Variants in PPP4R3A observed in about 807,000 individuals in gnomAD.
The protein encoded by PPP4R3A is protein phosphatase 4 regulatory subunit 3A, also known as serine/threonine-protein phosphatase 4 regulatory subunit 3A.
In PPP4R3A, 15 loss-of-function variants were observed where a neutral mutation model predicts 91.7. The observed-to-expected ratio is 0.16, with a 90% CI of 0.11 to 0.25. The LOEUF is 0.25. Ranked by LOEUF, PPP4R3A falls within the 10% of genes least tolerant of loss-of-function variation. The pLI is 1.00. For missense variants in PPP4R3A, 623 were observed against 998.4 expected (o/e 0.62, Z 5.07); for synonymous variants, 377 against 348.7 (o/e 1.08, Z -0.91).
chr14:91,458,796 G>A lies in PPP4R3A; in HGVS notation c.2465C>T (p.Thr822Met), dbSNP rs764452668. The change falls in exon 15 of 15, where the codon ACG becomes ATG. Residue 822 changes from threonine (T) to methionine (M), a missense_variant. Thr to Met is a moderately conservative substitution (Grantham distance 81, BLOSUM62 -1). Transcript: ENST00000554943. ...DDDEDEDKED[T>M]LPLSKKAKFD... ...TTTTGCTTTCTTTGACAATGGTAAC[G>A]TATCTTCCTTATCTTCATCCTCATC... 1.5e-5 allele frequency: 25 copies of A among 1,613,928 alleles called. No homozygotes were observed. Among genetic ancestry groups the A allele is most frequent in the East Asian group, 1.1e-4 (5 of 44,890 alleles).
intron 1 of PPP4R3A, 108 bp downstream of exon 1, chr14:91,509,398 A>G (rs1048991110): frequency 8.3e-5 from 122 of 1,473,732 alleles, no homozygotes; most frequent in Non-Finnish European, 1.0e-4. Context: ...CGCCCTCCCC[A>G]GCCGTCCCTC....
chr14:91,471,173 CT>C lies in PPP4R3A; in HGVS notation c.1502-179del, dbSNP rs772523489. On this transcript the variant is annotated intron_variant, in intron 9 of 14. Transcript: ENST00000554943. ...AACATGTGCCAGGAATGGTGCTTTA[CT>C]TTTTTTTATTTAATTTTAACAACCC... 2.0e-5 allele frequency among the ~76,000 whole-genome samples: 3 copies of C among 152,098 alleles called. No individual in the cohort carries two copies. In the East Asian group the frequency reaches 5.8e-4, roughly 29 times the overall value.
chr14:91,499,079 G>A (rs190461170), intron 1 of PPP4R3A, among the ~76,000 whole-genome samples: 523 of 151,724 alleles, frequency 3.4e-3, no homozygotes, highest in Non-Finnish European at 5.9e-3. Flanking sequence ...GAGCCACCAC[G>A]CCCAGCTGAG....
intron 1 of PPP4R3A, among the ~76,000 whole-genome samples, chr14:91,492,243 C>G (rs912608881): frequency 6.6e-6 from 1 of 152,182 alleles, no homozygotes; most frequent in Non-Finnish European, 1.5e-5. Flanking sequence ...AAGACAAACT[C>G]TGGCCCAAAA....
At chr14:91,506,118 T>C (rs1356001636) in intron 1 of PPP4R3A, among the ~76,000 whole-genome samples, 1 of 152,224 alleles carries the variant, frequency 6.6e-6, no homozygotes. Flanking sequence ...GCTACATTTT[T>C]GTATGTTTTT....
At position 91,475,950 on chromosome 14, in the gene PPP4R3A, T is replaced by A; in HGVS notation, c.1127A>T (p.Gln376Leu). ...TATATCAGTAGCAGCACTTCGCACC[T>A]GTGTATCATCCATGCCCTGCAGACA... ...LEVILGMDDT[Q>L]VRSAATDIFS... is the part of the protein sequence containing the mutation. Residue 376 changes from glutamine to leucine, a missense_variant, in exon 7 of 15, where the codon CAG becomes CTG. Around this residue, in one of 5 missense-constraint regions of PPP4R3A, gnomAD observed 264 missense variants for 377.3 expected, o/e 0.70. Coordinates refer to ENST00000554943, the MANE Select transcript of PPP4R3A (RefSeq NM_001366432.2). The A allele has an allele frequency of 6.3e-7, 1 of 1,592,866 alleles. No individual in the cohort carries two copies. Among genetic ancestry groups the A allele is most frequent in the Non-Finnish European group, 8.5e-7 (1 of 1,173,844 alleles).
chr14:91,475,675 T>C, intron 7 of PPP4R3A, 136 bp downstream of exon 7: 1 of 784,744 alleles, frequency 1.3e-6, no homozygotes, highest in Non-Finnish European at 1.9e-6. Context: ...GGAACCAATT[T>C]AGGGGAACAA....
intron 4 of PPP4R3A, among the ~76,000 whole-genome samples, chr14:91,477,640 T>C (rs989262909): frequency 5.3e-5 from 8 of 152,186 alleles, no homozygotes; most frequent in African/African-American, 1.9e-4. Context: ...TTCATCAAGA[T>C]CTTGGCTTTT....
rs1434501524 is a variant in PPP4R3A, at chr14:91,466,797, T to G, written c.1661-1378A>C. 3.3e-5 allele frequency among the ~76,000 whole-genome samples: 5 copies of G among 152,188 alleles called. No homozygotes were observed. The East Asian group carries it at 9.6e-4, about 29-fold the overall frequency. On this transcript the variant is annotated intron_variant, in intron 10 of 14. Coordinates refer to ENST00000554943, the MANE Select transcript of PPP4R3A (RefSeq NM_001366432.2). ...AAAGGAACTTACTGAGGCATTTCCA[T>G]TTGTTAGGAATAAAAATCAGTACTT... is the stretch of plus-strand genomic sequence containing the variant.
rs753818089 is a variant in PPP4R3A at position 91,465,412 on chromosome 14, A to G, written c.1668T>C (p.Leu556=). ...ATCCAATAATCTTTCTTTTAAAACG[A>G]AGGGCACCTGAAACACAGAGGCATG... is the stretch of plus-strand genomic sequence containing the variant. ...SKHAFLALCA[L]RFKRKIIGLK... is the part of the protein sequence containing the mutation. Residue 556 remains leucine (L), a synonymous_variant, in exon 11 of 15, where the codon CTT becomes CTC. Transcript: ENST00000554943. 1 of 1,590,668 alleles carries G rather than the reference A, an allele frequency of 6.3e-7. No homozygotes were observed.
intron 1 of PPP4R3A, among the ~76,000 whole-genome samples, chr14:91,491,712 A>G (rs967793486): frequency 1.3e-5 from 2 of 149,106 alleles, no homozygotes; most frequent in Non-Finnish European, 3.0e-5. Flanking sequence ...GCCTAGAAAA[A>G]TTATTTTTAA....
At chr14:91,496,786 A>G (rs1298866619) in intron 1 of PPP4R3A, among the ~76,000 whole-genome samples, 1 of 152,210 alleles carries the variant, frequency 6.6e-6, no homozygotes, top group Non-Finnish European at 1.5e-5. Flanking sequence ...AGAACACCGG[A>G]AAGTCTTTCA....
chr14:91,464,874 A>G (rs1481439448), intron 11 of PPP4R3A, among the ~76,000 whole-genome samples: 1 of 152,166 alleles, frequency 6.6e-6, no homozygotes, highest in Non-Finnish European at 1.5e-5. Context: ...TCAGGATGAA[A>G]TTGTTCCACC....
chr14:91,466,036 TTTTAA>T (rs1888454819), intron 10 of PPP4R3A, among the ~76,000 whole-genome samples: 1 of 152,202 alleles, frequency 6.6e-6, no homozygotes, highest in Admixed American at 6.5e-5. Context: ...CGAGTATGCT[TTTTAA>T]TTTTTTTCTA....
intron 2 of PPP4R3A, among the ~76,000 whole-genome samples, chr14:91,490,413 A>T (rs1207886092): frequency 6.6e-6 from 1 of 152,174 alleles, no homozygotes; most frequent in African/African-American, 2.4e-5. Flanking sequence ...CTTCTGCACT[A>T]TCATCTACAA....
At chr14:91,501,094 A>G (rs1305844029) in intron 1 of PPP4R3A, among the ~76,000 whole-genome samples, 1 of 152,208 alleles carries the variant, frequency 6.6e-6, no homozygotes, top group Non-Finnish European at 1.5e-5. Flanking sequence ...ATTCATCTGG[A>G]AAATTCACTT....
chr14:91,480,370 G>T (rs1889484074), intron 4 of PPP4R3A, among the ~76,000 whole-genome samples: 3 of 152,130 alleles, frequency 2.0e-5, no homozygotes, highest in Admixed American at 2.0e-4. Context: ...GTTATTAAGT[G>T]ACAGACGGAG....
intron 1 of PPP4R3A, among the ~76,000 whole-genome samples, chr14:91,505,743 A>G (rs1891254300): frequency 6.6e-6 from 1 of 152,236 alleles, no homozygotes; most frequent in Non-Finnish European, 1.5e-5. Flanking sequence ...AAGTATGGAA[A>G]AGCGCAATAA....
At chr14:91,508,734 CA>C (rs928957442) in intron 1 of PPP4R3A, among the ~76,000 whole-genome samples, 3 of 152,182 alleles carry the variant, frequency 2.0e-5, no homozygotes. Flanking sequence ...ATTTGTGAAG[CA>C]TAAACACTAG....
Sources: allele counts gnomAD v4.1 joint callset (sites outside exome capture counted in the v4.1 genomes callset), GRCh38; gene constraint gnomAD v4.1.1; regional missense constraint gnomAD v4.1.1; transcripts MANE v1.5; gene names NCBI Gene and HGNC (gene_info 2026-07-23, HGNC 2026-07-21).